Variants in PCDHGA4 observed in about 807,000 individuals in gnomAD.
PCDHGA4 encodes the protein protocadherin gamma-A4.
Under a neutral mutation model 54.6 loss-of-function variants are expected in PCDHGA4, and 38 were observed. That is an observed-to-expected ratio of 0.70 (90% confidence interval 0.54 to 0.91). The LOEUF (loss-of-function observed/expected upper bound fraction) is 0.91. PCDHGA4 is among the 40% of genes least tolerant of loss of function. The pLI is 0.00. For synonymous variants in PCDHGA4, 511 were observed against 512.9 expected (o/e 1.00, Z 0.05); for missense variants, 1,298 against 1,220.9 (o/e 1.06, Z -0.94).
Position 141,477,588 on chromosome 5 carries a change from G to T in PCDHGA4, c.2515-17219G>T. 1 of 1,614,152 alleles carries T rather than the reference G, an allele frequency of 6.2e-7. No individual in the cohort carries two copies. The highest frequency in any genetic ancestry group is 8.5e-7 in the Non-Finnish European group (1 of 1,180,040). ...GACCCCGACGCCCCGCAGAATGCTCGGCTTTCTTTCTTTCTCTTGGAGCAA... is the reference window on the plus strand; with the variant it reads ...GACCCCGACGCCCCGCAGAATGCTCTGCTTTCTTTCTTTCTCTTGGAGCAA... On this transcript the variant is annotated intron_variant, in intron 1 of 3. Coordinates refer to ENST00000571252, the MANE Select transcript of PCDHGA4 (RefSeq NM_018917.4). This position sits in a 1 kb window ranked among gnomAD's most constrained non-coding sequence, Gnocchi z 4.9.
chr5:141,468,180 C>T (rs1053758210), intron 1 of PCDHGA4, among the ~76,000 whole-genome samples: 4 of 151,744 alleles, frequency 2.6e-5, no homozygotes, highest in Non-Finnish European at 5.9e-5. Context: ...GAAAAATTTG[C>T]TGGGCATGGT....
intron 1 of PCDHGA4, among the ~76,000 whole-genome samples, chr5:141,443,202 C>T (rs546748238): frequency 2.6e-5 from 4 of 152,172 alleles, no homozygotes; most frequent in Non-Finnish European, 1.5e-5. Flanking sequence ...GTACAAAGAG[C>T]TTGTCTCGCC....
chr5:141,388,789 T>A (rs2091491529), intron 1 of PCDHGA4: 1 of 1,613,948 alleles, frequency 6.2e-7, no homozygotes, highest in Non-Finnish European at 8.5e-7. Context: ...ATTACTGTTT[T>A]AAATACATTA....
intron 1 of PCDHGA4, chr5:141,392,935 A>G: frequency 1.2e-6 from 2 of 1,613,932 alleles, no homozygotes; most frequent in Non-Finnish European, 1.7e-6. Flanking sequence ...GAGACGGACA[A>G]AGGCTCCTTC....
At chr5:141,451,610 G>T (rs184745360) in intron 1 of PCDHGA4, among the ~76,000 whole-genome samples, 60 of 152,298 alleles carry the variant, frequency 3.9e-4, no homozygotes, top group African/African-American at 1.3e-3. Context: ...GGCTAGGCAT[G>T]GTGGCTCAAA....
At position 141,486,364 on chromosome 5, in the gene PCDHGA4, C is replaced by T; in HGVS notation, c.2515-8443C>T. 1 of 1,614,068 alleles carries T rather than the reference C, an allele frequency of 6.2e-7. No homozygotes were observed. The highest frequency in any genetic ancestry group is 1.1e-5 in the South Asian group (1 of 91,074). On this transcript the variant is annotated intron_variant, in intron 1 of 3. Transcript: ENST00000571252. The surrounding 1 kb of genome is among the most constrained non-coding windows in gnomAD (Gnocchi z 5.0). ...TTCCTGACCACTTGCCATTTGCCCT[C>T]AAGTCTGCCTTCAGGAACCAGTTCT...
intron 1 of PCDHGA4, among the ~76,000 whole-genome samples, chr5:141,368,405 A>T (rs1414658123): frequency 1.3e-5 from 2 of 152,154 alleles, no homozygotes; most frequent in Admixed American, 1.3e-4. Flanking sequence ...ACACACATAC[A>T]TACACACATG....
chr5:141,407,873 A>T (rs561323423), intron 1 of PCDHGA4: 1 of 354,686 alleles, frequency 2.8e-6, no homozygotes, highest in Non-Finnish European at 5.1e-6. Flanking sequence ...CGAAGAATAT[A>T]TACATTTCGG....
chr5:141,485,768 C>G lies in PCDHGA4; in HGVS notation c.2515-9039C>G. ...GGTCCCAGAGCTGCTCCTGGAGAAG[C>G]CTTTGGATCGAGAGAAGCAATCGGA... On this transcript the variant is annotated intron_variant, in intron 1 of 3. Coordinates refer to ENST00000571252, the MANE Select transcript of PCDHGA4 (RefSeq NM_018917.4). The surrounding 1 kb of genome is among the most constrained non-coding windows in gnomAD (Gnocchi z 5.7). 5 of 1,614,192 alleles carry G rather than the reference C, an allele frequency of 3.1e-6. No homozygotes were observed. The South Asian group carries it at 3.3e-5, about 11-fold the overall frequency.
intron 1 of PCDHGA4, among the ~76,000 whole-genome samples, chr5:141,462,009 G>C (rs2099028674): frequency 6.6e-6 from 1 of 152,190 alleles, no homozygotes; most frequent in Non-Finnish European, 1.5e-5. Flanking sequence ...TTTTAATAGA[G>C]ACGGGGTTTC....
In PCDHGA4 at chr5:141,486,890, G is replaced by T; in HGVS notation, c.2515-7917G>T. On this transcript the variant is annotated intron_variant, in intron 1 of 3. Coordinates refer to ENST00000571252, the MANE Select transcript of PCDHGA4 (RefSeq NM_018917.4). The surrounding 1 kb of genome is among the most constrained non-coding windows in gnomAD (Gnocchi z 5.0). ...TGTGCTCCGTCCTCGGGCCCGGCCT[G>T]GTTCCTTATGTCCCCAAGCACTGCC... 6.2e-7 allele frequency: 1 copy of T among 1,614,242 alleles called. No individual in the cohort carries two copies. The highest frequency in any genetic ancestry group is 8.5e-7 in the Non-Finnish European group (1 of 1,180,048).
chr5:141,388,626 A>C, intron 1 of PCDHGA4: 1 of 1,613,974 alleles, frequency 6.2e-7, no homozygotes, highest in Non-Finnish European at 8.5e-7. Flanking sequence ...AGACGTATAC[A>C]GGGTGAGCCT....
At chr5:141,383,916 T>C (rs1368497890) in intron 1 of PCDHGA4, 1 of 1,613,968 alleles carries the variant, frequency 6.2e-7, no homozygotes, top group Non-Finnish European at 8.5e-7. Flanking sequence ...CAGTTTTAGA[T>C]GTAAATGATA....
At chr5:141,408,104 C>A (rs546603908) in intron 1 of PCDHGA4, 5 of 1,441,798 alleles carry the variant, frequency 3.5e-6, no homozygotes, top group Non-Finnish European at 2.7e-6. Flanking sequence ...CTCCGAGACC[C>A]GGGACTCCTC....
At chr5:141,454,666 A>G (rs1561955978) in intron 1 of PCDHGA4, among the ~76,000 whole-genome samples, 1 of 152,104 alleles carries the variant, frequency 6.6e-6, no homozygotes, top group Non-Finnish European at 1.5e-5. Context: ...TCGGCCTCCC[A>G]AAACACTGGG....
At chr5:141,389,582 T>G (rs1266016569) in intron 1 of PCDHGA4, 7 of 1,613,028 alleles carry the variant, frequency 4.3e-6, no homozygotes, top group Non-Finnish European at 5.1e-6. Flanking sequence ...CCGCGCTGGG[T>G]CCCGACGGCT....
intron 1 of PCDHGA4, among the ~76,000 whole-genome samples, chr5:141,492,886 C>A (rs1479930324): frequency 6.6e-6 from 1 of 152,178 alleles, no homozygotes; most frequent in African/African-American, 2.4e-5. Context: ...GAGATACAGG[C>A]TTTTGGCGCC....
chr5:141,473,974 C>G (rs958240236), intron 1 of PCDHGA4, among the ~76,000 whole-genome samples: 33 of 152,054 alleles, frequency 2.2e-4, no homozygotes, highest in Admixed American at 2.2e-3. Context: ...AAGTCTGAGG[C>G]GGGAGGATCC....
At chr5:141,408,458 G>T (rs760881860) in intron 1 of PCDHGA4, 4 of 1,614,066 alleles carry the variant, frequency 2.5e-6, no homozygotes, top group South Asian at 2.2e-5. Flanking sequence ...GGACTTACTT[G>T]TGAAGAACCG....
Sources: allele counts gnomAD v4.1 joint callset (sites outside exome capture counted in the v4.1 genomes callset), GRCh38; gene constraint gnomAD v4.1.1; non-coding constraint Gnocchi (gnomAD v3.1); transcripts MANE v1.5; gene names NCBI Gene and HGNC (gene_info 2026-07-23, HGNC 2026-07-21).